MAMSTR: variants seen among roughly 807,000 people sequenced by gnomAD.
MAMSTR encodes the protein MEF2 activating motif and SAP domain containing transcriptional regulator.
In MAMSTR, 41 loss-of-function variants were observed where a neutral mutation model predicts 42.7. That is an observed-to-expected ratio of 0.96 (90% confidence interval 0.75 to 1.25). MAMSTR has a LOEUF of 1.25. Among genes scored for constraint, MAMSTR ranks in the 50% most tolerant of loss-of-function variants. The pLI is 0.00. For synonymous variants in MAMSTR, 265 were observed against 244.1 expected (o/e 1.09, Z -0.80); for missense variants, 567 against 557.6 (o/e 1.02, Z -0.17).
downstream of MAMSTR, among the ~76,000 whole-genome samples, chr19:48,707,883 G>GAAAGAAAGAAAGAA (rs1555755213): frequency 9.4e-6 from 1 of 106,108 alleles, no homozygotes; most frequent in Middle Eastern, 5.3e-3. Context: ...AAGAAAGAAA[G>GAAAGAAAGAAAGAA]AAAGAAAAGA....
At chr19:48,715,219 C>G in intron 5 of MAMSTR, 43 bp downstream of exon 5, 3 of 1,527,652 alleles carry the variant, frequency 2.0e-6, no homozygotes. Flanking sequence ...GATGCTGGGA[C>G]CTGAATTTCT....
At chr19:48,714,696 G>T in intron 6 of MAMSTR, 110 bp downstream of exon 6, 1 of 1,261,508 alleles carries the variant, frequency 7.9e-7, no homozygotes, top group Admixed American at 1.7e-5. Flanking sequence ...AACAGGATGG[G>T]ACTGGGTACC....
intron 6 of MAMSTR, 51 bp from the exon 7 acceptor site, chr19:48,714,611 C>T: frequency 7.0e-7 from 1 of 1,435,274 alleles, no homozygotes; most frequent in Non-Finnish European, 9.2e-7. Context: ...GGCTCCCGGG[C>T]GCAGGCAGGA....
At chr19:48,709,734 G>A (rs377011932), downstream of MAMSTR, among the ~76,000 whole-genome samples, 84 of 152,256 alleles carry the variant, frequency 5.5e-4, 1 homozygote, top group East Asian at 0.012. Context: ...ACACCTTTAT[G>A]AGCACAGGCT....
Position 48,716,748 on chromosome 19 carries a change from G to A in MAMSTR, c.59-5C>T. 1.5e-6 allele frequency: 2 copies of A among 1,305,742 alleles called. No individual in the cohort carries two copies. The highest frequency in any genetic ancestry group is 2.0e-6 in the Non-Finnish European group (2 of 1,016,452). The allele number at this position is 1,305,742 out of a possible 1,614,324, so 80.9% of individuals were successfully genotyped here. A position where few individuals can be genotyped will look rare whatever the true frequency, so the allele number is the denominator to read the frequency against. ...TGTGGATCCGAAGCTGGAGGACTGT[G>A]GAGGGAGGAGGGAGGTGGGAGGAGG... is the stretch of plus-strand genomic sequence containing the variant. On this transcript the variant is annotated splice_region_variant and splice_polypyrimidine_tract_variant and intron_variant, in intron 2 of 9. Coordinates refer to ENST00000318083, the MANE Select transcript of MAMSTR (RefSeq NM_001130915.2).
At chr19:48,718,897 C>G (rs1568471435) in intron 2 of MAMSTR, 77 bp downstream of exon 2, 8 of 1,335,200 alleles carry the variant, frequency 6.0e-6, no homozygotes, top group Non-Finnish European at 8.4e-6. Context: ...ATGGGACCTA[C>G]CACCCCTCCC....
chr19:48,718,803 C>T (rs2033147375), intron 2 of MAMSTR, among the ~76,000 whole-genome samples, 171 bp downstream of exon 2: 1 of 152,094 alleles, frequency 6.6e-6, no homozygotes. Flanking sequence ...GCCATTTGCA[C>T]ACTCGTTGAT....
intron 2 of MAMSTR, among the ~76,000 whole-genome samples, chr19:48,718,089 T>A (rs553170396): frequency 2.0e-5 from 3 of 152,248 alleles, no homozygotes; most frequent in East Asian, 1.9e-4. Flanking sequence ...GTGATCCACC[T>A]GCCTTGGCCT....
intron 3 of MAMSTR, 75 bp downstream of exon 3, chr19:48,716,630 T>G: frequency 7.7e-7 from 1 of 1,297,738 alleles, no homozygotes; most frequent in Non-Finnish European, 9.9e-7. Flanking sequence ...GAGGGGTATC[T>G]GGCAGCTGTA....
At chr19:48,711,756 T>TATTTTTTTATTTA (rs1388486331), downstream of MAMSTR, among the ~76,000 whole-genome samples, 3 of 145,852 alleles carry the variant, frequency 2.1e-5, no homozygotes, top group African/African-American at 7.6e-5. Flanking sequence ...TTTTTTTTTT[T>TATTTTTTTATTTA]TTTTTTTGAG....
Position 48,714,306 on chromosome 19 carries a change from C to T in MAMSTR, c.723+60G>A, listed in dbSNP as rs961022502. 7.6e-6 allele frequency: 10 copies of T among 1,312,712 alleles called. No individual in the cohort carries two copies. The Admixed American group carries it at 1.1e-4, about 14-fold the overall frequency. The allele number at this position is 1,312,712 out of a possible 1,614,324, so 81.3% of individuals were successfully genotyped here. ...TTCATTGGCTAGTTTTTTCGACACC[C>T]CGCCCCGGCCCACTTTGCTTTCTCT... On this transcript the variant is annotated intron_variant, in intron 7 of 9. Coordinates refer to ENST00000318083, the MANE Select transcript of MAMSTR (RefSeq NM_001130915.2).
intron 7 of MAMSTR, 32 bp downstream of exon 7, chr19:48,714,334 A>G: frequency 7.4e-7 from 1 of 1,351,842 alleles, no homozygotes; most frequent in Non-Finnish European, 9.5e-7. Context: ...CTTTCTCTTC[A>G]TTGGTCCGCA....
intron 2 of MAMSTR, chr19:48,717,099 C>T: frequency 2.1e-6 from 1 of 479,788 alleles, no homozygotes; most frequent in Non-Finnish European, 2.8e-6. Context: ...CACCTCGCCT[C>T]CCTTTATCCA....
chr19:48,706,500 G>T, the MAMSTR span, among the ~76,000 whole-genome samples: 1 of 151,794 alleles, frequency 6.6e-6, no homozygotes, highest in Non-Finnish European at 1.5e-5. Flanking sequence ...AGCTAGGCGT[G>T]GTGGTGCATG....
In MAMSTR at chr19:48,713,451, A is replaced by G. The variant is rs772881923; in HGVS notation, c.1064T>C (p.Leu355Pro). The G allele has an allele frequency of 6.2e-6, 10 of 1,612,428 alleles. No homozygotes were observed. Among genetic ancestry groups the G allele is most frequent in the African/African-American group, 1.3e-5 (1 of 74,812 alleles). The change falls in exon 10 of 10, where the codon CTC (leucine) becomes CCC (proline). Residue 355 changes from leucine (L) to proline (P), a missense_variant. Coordinates refer to ENST00000318083, the MANE Select transcript of MAMSTR (RefSeq NM_001130915.2). ...GGAGGAGGAGTTCGTGGGAGACGGGAGTGAAGAGGAGAAAACAGATGAGAG... is the reference window on the plus strand; with the variant it reads ...GGAGGAGGAGTTCGTGGGAGACGGGGGTGAAGAGGAGAAAACAGATGAGAG... Reference protein sequence around the residue: ...EGLSSVFSSSLPSPTNSSSPS... With the variant: ...EGLSSVFSSSPPSPTNSSSPS...
chr19:48,716,307 T>C (rs1601254332), intron 3 of MAMSTR, among the ~76,000 whole-genome samples: 1 of 133,326 alleles, frequency 7.5e-6, no homozygotes, highest in African/African-American at 2.9e-5. Context: ...ACCTGGGAGG[T>C]AGAGGTTTCA....
At position 48,712,990 on chromosome 19, in the gene MAMSTR, A is replaced by G. The variant is rs2032774765; in HGVS notation, c.*277T>C. ...TCGGGGGCATGTAAGAACATCCATG[A>G]GGTCTCTGAAGGAAGCAGCAAGCAG... On this transcript the variant is annotated 3_prime_UTR_variant, in exon 10 of 10. Transcript: ENST00000318083. 8 of 388,822 alleles carry G rather than the reference A, an allele frequency of 2.1e-5. No homozygotes were observed. The South Asian group carries it at 3.9e-4, about 19-fold the overall frequency. The allele number at this position is 388,822 out of a possible 1,614,324, so 24.1% of individuals were successfully genotyped here. A position where few individuals can be genotyped will look rare whatever the true frequency, so the allele number is the denominator to read the frequency against.
chr19:48,714,264 G>C (rs1390626815), intron 7 of MAMSTR, 102 bp downstream of exon 7: 5 of 1,079,012 alleles, frequency 4.6e-6, no homozygotes, highest in East Asian at 6.1e-5. Context: ...TCCTACCGCT[G>C]GTCCTCGCCC....
At chr19:48,709,123 C>G (rs759889523), downstream of MAMSTR, among the ~76,000 whole-genome samples, 2 of 152,074 alleles carry the variant, frequency 1.3e-5, no homozygotes, top group African/African-American at 2.4e-5. Flanking sequence ...AACCCTGTCT[C>G]TATAAAAAAA....
Sources: allele counts gnomAD v4.1 joint callset (sites outside exome capture counted in the v4.1 genomes callset), GRCh38; gene constraint gnomAD v4.1.1; transcripts MANE v1.5; gene names NCBI Gene and HGNC (gene_info 2026-07-23, HGNC 2026-07-21).